Variants in LRRC4C observed in about 807,000 individuals in gnomAD.
The protein encoded by LRRC4C is leucine rich repeat containing 4C, also known as leucine-rich repeat-containing protein 4C.
In LRRC4C, 5 loss-of-function variants were observed where a neutral mutation model predicts 33.6. The ratio of observed to expected loss-of-function variants is 0.15; its 90% CI spans 0.08 to 0.31. The LOEUF (loss-of-function observed/expected upper bound fraction) is 0.31. Among genes scored for constraint, LRRC4C ranks in the 10% least tolerant of loss-of-function variants. The pLI, the probability that LRRC4C is intolerant of heterozygous loss-of-function variation, is 1.00. For synonymous variants in LRRC4C, 329 were observed against 302.0 expected, an observed-to-expected ratio of 1.09 and a Z score of -0.93; for missense variants, 560 against 796.7, an observed-to-expected ratio of 0.70 and a Z score of 3.58.
intron 1 of LRRC4C, among the ~76,000 whole-genome samples, chr11:41,425,586 C>T (rs570397366): frequency 2.0e-4 from 31 of 152,276 alleles, no homozygotes; most frequent in South Asian, 4.1e-4. Context: ...ACACATCAAA[C>T]AGCTCTTACT....
intron 3 of LRRC4C, among the ~76,000 whole-genome samples, chr11:40,639,912 G>A (rs901480244): frequency 6.6e-6 from 1 of 151,266 alleles, no homozygotes; most frequent in Non-Finnish European, 1.5e-5. Context: ...AGCAGGATTG[G>A]AGCCTTCACA....
rs139136375 is a variant in LRRC4C, at chr11:41,315,260, A to G, written c.-496+144171T>C. 5.4e-3 allele frequency among the ~76,000 whole-genome samples: 823 copies of G among 152,306 alleles called. 5 individuals are homozygous for G. Among genetic ancestry groups the G allele is most frequent in the Non-Finnish European group, 8.2e-3 (555 of 68,028 alleles). The stretch of plus-strand genomic sequence containing the variant: ...TTGCCAGTTTCCAAGATGGTCCCCA[A>G]TGATCGTCATCTTCTGGTATTCATG... On this transcript the variant is annotated intron_variant, in intron 1 of 6. Coordinates refer to ENST00000528697, the MANE Select transcript of LRRC4C (RefSeq NM_001258419.2).
chr11:41,114,254 GTTAT>G lies in LRRC4C; in HGVS notation c.-495-180535_-495-180532del, dbSNP rs564491222. Among the ~76,000 whole-genome samples the G allele has an allele frequency of 3.6e-4, 55 of 151,938 alleles. No homozygotes were observed. In the South Asian group the frequency reaches 0.01, roughly 29 times the overall value. ...GCTTTAAATCTTTTTTTAAAAATCTGTTATTTATTATTTATTTACTACAACAACA... is the reference window on the plus strand; with the variant it reads ...GCTTTAAATCTTTTTTTAAAAATCTGTTATTATTTATTTACTACAACAACA... On this transcript the variant is annotated intron_variant, in intron 1 of 6. Transcript: ENST00000528697.
At chr11:40,382,123 ATTTTTTTTT>A (rs77934711) in intron 3 of LRRC4C, among the ~76,000 whole-genome samples, 181 of 99,954 alleles carry the variant, frequency 1.8e-3, no homozygotes, top group African/African-American at 5.7e-3. Context: ...TGCCCGGCTA[ATTTTTTTTT>A]TTTTTTTTTT....
At position 40,913,361 on chromosome 11, in the gene LRRC4C, T is replaced by C. The variant is rs567796844; in HGVS notation, c.-407+20274A>G. 1.6e-4 allele frequency among the ~76,000 whole-genome samples: 24 copies of C among 152,192 alleles called. No homozygotes were observed. The South Asian group carries it at 3.9e-3, about 25-fold the overall frequency. ...TAACAAACTGTCTCTTAGACCACAG[T>C]GCAATCAAATTAGAACTCAGGATTA... On this transcript the variant is annotated intron_variant, in intron 2 of 6. Transcript: ENST00000528697.
At chr11:41,008,511 T>G (rs1244570825) in intron 1 of LRRC4C, among the ~76,000 whole-genome samples, 1 of 152,188 alleles carries the variant, frequency 6.6e-6, no homozygotes, top group Non-Finnish European at 1.5e-5. Flanking sequence ...CATGGTCCAC[T>G]CACTCACACT....
intron 3 of LRRC4C, among the ~76,000 whole-genome samples, chr11:40,385,896 T>TAAATAAATAAAAA (rs1949091959): frequency 9.1e-6 from 1 of 110,218 alleles, no homozygotes; most frequent in Non-Finnish European, 2.1e-5. Context: ...ATAAATAAAA[T>TAAATAAATAAAAA]AAAATAAAAT....
chr11:41,145,562 A>G (rs1027282178), intron 1 of LRRC4C, among the ~76,000 whole-genome samples: 18 of 152,212 alleles, frequency 1.2e-4, no homozygotes, highest in African/African-American at 4.3e-4. Context: ...TAGTTCCCAC[A>G]GAGGCTGTAG....
chr11:40,232,288 G>A (rs920595732), intron 5 of LRRC4C, among the ~76,000 whole-genome samples: 1 of 152,174 alleles, frequency 6.6e-6, no homozygotes, highest in Admixed American at 6.5e-5. Context: ...TTACAGGCAT[G>A]AGCCACCATG....
At chr11:40,246,747 G>T (rs531781931) in intron 4 of LRRC4C, among the ~76,000 whole-genome samples, 1 of 151,940 alleles carries the variant, frequency 6.6e-6, no homozygotes, top group South Asian at 2.1e-4. Flanking sequence ...ATAAAAGTAG[G>T]TAGTTCCTTT....
At chr11:40,645,773 C>T (rs1227073936) in intron 3 of LRRC4C, among the ~76,000 whole-genome samples, 1 of 152,094 alleles carries the variant, frequency 6.6e-6, no homozygotes, top group African/African-American at 2.4e-5. Context: ...TCCGTGGGTA[C>T]CCCAATCTGA....
intron 4 of LRRC4C, among the ~76,000 whole-genome samples, chr11:40,281,230 T>C (rs923381061): frequency 6.6e-6 from 1 of 151,732 alleles, no homozygotes; most frequent in Admixed American, 6.6e-5. Flanking sequence ...GTTAACTCTT[T>C]TAGGGTGGCT....
At chr11:41,251,997 G>T (rs1948653853) in intron 1 of LRRC4C, among the ~76,000 whole-genome samples, 1 of 151,944 alleles carries the variant, frequency 6.6e-6, no homozygotes, top group Non-Finnish European at 1.5e-5. Context: ...TGCATGCCAG[G>T]TGTTAATATG....
intron 3 of LRRC4C, among the ~76,000 whole-genome samples, chr11:40,359,788 C>T (rs772470087): frequency 5.9e-5 from 9 of 152,074 alleles, no homozygotes; most frequent in Non-Finnish European, 1.3e-4. Context: ...TTTCCATGAG[C>T]ATTTTATGCC....
chr11:41,030,491 G>A lies in LRRC4C; in HGVS notation c.-495-96768C>T, dbSNP rs569189874. The stretch of plus-strand genomic sequence containing the variant: ...CCTAGACAGAATTGCAGGAGGGAGC[G>A]TTTCACAACACCAGAGACCTTGTGT... On this transcript the variant is annotated intron_variant, in intron 1 of 6. Coordinates refer to ENST00000528697, the MANE Select transcript of LRRC4C (RefSeq NM_001258419.2). 6.6e-5 allele frequency among the ~76,000 whole-genome samples: 10 copies of A among 151,788 alleles called. No individual in the cohort carries two copies. The South Asian group carries it at 1.7e-3, about 25-fold the overall frequency.
At chr11:40,352,651 T>TGTCG (rs140398324) in intron 3 of LRRC4C, among the ~76,000 whole-genome samples, 1 of 47,494 alleles carries the variant, frequency 2.1e-5, no homozygotes. Context: ...ATTCTGTGTT[T>TGTCG]GTGAACTTAC....
intron 3 of LRRC4C, among the ~76,000 whole-genome samples, chr11:40,612,304 A>G (rs541962562): frequency 1.3e-4 from 20 of 152,078 alleles, no homozygotes; most frequent in Non-Finnish European, 1.0e-4. Context: ...GACAAATACC[A>G]CAAGACCACG....
chr11:40,888,521 GTTC>G (rs1955562056), intron 2 of LRRC4C, among the ~76,000 whole-genome samples: 1 of 151,916 alleles, frequency 6.6e-6, no homozygotes, highest in South Asian at 2.1e-4. Flanking sequence ...CTTGGAAGTT[GTTC>G]TTTGCTGAAA....
At chr11:40,203,494 T>C (rs563557730) in intron 5 of LRRC4C, among the ~76,000 whole-genome samples, 1 of 152,346 alleles carries the variant, frequency 6.6e-6, no homozygotes, top group African/African-American at 2.4e-5. Flanking sequence ...ATTAGCTTCA[T>C]AATGCCTGGG....
Sources: allele counts gnomAD v4.1 joint callset (sites outside exome capture counted in the v4.1 genomes callset), GRCh38; gene constraint gnomAD v4.1.1; transcripts MANE v1.5; gene names NCBI Gene and HGNC (gene_info 2026-07-23, HGNC 2026-07-21).